The following ST6GALNAC3 variants were observed in gnomAD, a reference collection of about 807,000 sequenced individuals.
The protein encoded by ST6GALNAC3 is alpha-N-acetylgalactosaminide alpha-2,6-sialyltransferase 3.
In ST6GALNAC3, 25 loss-of-function variants were observed where a neutral mutation model predicts 32.7. The observed-to-expected ratio is 0.76, with a 90% confidence interval of 0.56 to 1.07. ST6GALNAC3 has a LOEUF of 1.07. Ranked by LOEUF, ST6GALNAC3 falls within the 50% of genes least tolerant of loss-of-function variation. The pLI, the probability that ST6GALNAC3 is intolerant of heterozygous loss-of-function variation, is 0.00. For missense variants in ST6GALNAC3, 355 were observed against 382.4 expected, an observed-to-expected ratio of 0.93 and a Z score of 0.60; for synonymous variants, 129 against 133.1, an observed-to-expected ratio of 0.97 and a Z score of 0.21.
intron 3 of ST6GALNAC3, among the ~76,000 whole-genome samples, chr1:76,535,597 A>T (rs774654797): frequency 6.6e-5 from 10 of 152,186 alleles, no homozygotes; most frequent in Non-Finnish European, 1.3e-4. Context: ...GACTATTTCT[A>T]CTATAGAGCA....
chr1:76,605,333 G>T (rs1647456354), intron 3 of ST6GALNAC3, among the ~76,000 whole-genome samples: 1 of 152,064 alleles, frequency 6.6e-6, no homozygotes, highest in African/African-American at 2.4e-5. Flanking sequence ...CTGAACTAGT[G>T]GTGAATTGAC....
intron 3 of ST6GALNAC3, among the ~76,000 whole-genome samples, chr1:76,528,122 A>G (rs773923991): frequency 2.0e-5 from 3 of 152,138 alleles, no homozygotes; most frequent in Non-Finnish European, 4.4e-5. Flanking sequence ...TAAGTTTATC[A>G]TTTTACAATA....
intron 1 of ST6GALNAC3, among the ~76,000 whole-genome samples, chr1:76,172,689 A>G (rs1010553938): frequency 6.6e-6 from 1 of 152,200 alleles, no homozygotes; most frequent in African/African-American, 2.4e-5. Flanking sequence ...CTTTACACCA[A>G]CAATAGGCAA....
chr1:76,494,740 T>C (rs1009060971), intron 3 of ST6GALNAC3, among the ~76,000 whole-genome samples: 1 of 89,552 alleles, frequency 1.1e-5, no homozygotes, highest in Non-Finnish European at 2.2e-5. Flanking sequence ...ATTTCATGTG[T>C]ATGCACACAC....
At chr1:76,282,106 A>G (rs1276438464) in intron 1 of ST6GALNAC3, among the ~76,000 whole-genome samples, 1 of 152,094 alleles carries the variant, frequency 6.6e-6, no homozygotes, top group Non-Finnish European at 1.5e-5. Flanking sequence ...AGGAGACAAG[A>G]ATTATATGTG....
At chr1:76,172,177 G>A (rs1256191666) in intron 1 of ST6GALNAC3, among the ~76,000 whole-genome samples, 1 of 152,056 alleles carries the variant, frequency 6.6e-6, no homozygotes, top group African/African-American at 2.4e-5. Flanking sequence ...TGCAAGGCTG[G>A]TTGAACATAC....
chr1:76,288,545 C>G (rs941205745), intron 1 of ST6GALNAC3, among the ~76,000 whole-genome samples: 2 of 152,106 alleles, frequency 1.3e-5, no homozygotes, highest in African/African-American at 4.8e-5. Context: ...TCAAGTCAAC[C>G]CTTACTGCAA....
At chr1:76,385,701 C>T (rs549251202) in intron 2 of ST6GALNAC3, among the ~76,000 whole-genome samples, 1 of 152,114 alleles carries the variant, frequency 6.6e-6, no homozygotes, top group African/African-American at 2.4e-5. Context: ...TACAAGCAAT[C>T]AGGAAGACGG....
chr1:76,449,529 C>T (rs990957096), intron 3 of ST6GALNAC3, among the ~76,000 whole-genome samples: 2 of 152,292 alleles, frequency 1.3e-5, no homozygotes, highest in South Asian at 4.1e-4. Context: ...TCCCTACCAG[C>T]AATGAATGAG....
intron 1 of ST6GALNAC3, among the ~76,000 whole-genome samples, chr1:76,216,935 A>G (rs955605105): frequency 6.6e-6 from 1 of 152,198 alleles, no homozygotes; most frequent in African/African-American, 2.4e-5. Context: ...AAATACTCAC[A>G]TCATCCCTTG....
At chr1:76,431,895 A>C (rs1159870376) in intron 3 of ST6GALNAC3, among the ~76,000 whole-genome samples, 1 of 152,128 alleles carries the variant, frequency 6.6e-6, no homozygotes, top group Non-Finnish European at 1.5e-5. Context: ...CATACATTCT[A>C]TGGGTTTATA....
chr1:76,400,963 G>T (rs1015731756), intron 2 of ST6GALNAC3, among the ~76,000 whole-genome samples: 19 of 151,090 alleles, frequency 1.3e-4, no homozygotes, highest in African/African-American at 4.4e-4. Context: ...CTCTCAAGTT[G>T]TATGCTATTT....
chr1:76,134,016 G>A (rs1473792903), intron 1 of ST6GALNAC3, among the ~76,000 whole-genome samples: 1 of 152,184 alleles, frequency 6.6e-6, no homozygotes, highest in African/African-American at 2.4e-5. Context: ...AGGAGCCATT[G>A]ACACATGTTT....
At chr1:76,275,806 C>G (rs1252353870) in intron 1 of ST6GALNAC3, among the ~76,000 whole-genome samples, 3 of 152,010 alleles carry the variant, frequency 2.0e-5, no homozygotes, top group Non-Finnish European at 4.4e-5. Context: ...CTTGTATTGT[C>G]TTGTATATAC....
Position 76,361,790 on chromosome 1 carries a change from C to A in ST6GALNAC3, c.213+47791C>A, listed in dbSNP as rs1335443607. On this transcript the variant is annotated intron_variant, in intron 2 of 4. Coordinates refer to ENST00000328299, the MANE Select transcript of ST6GALNAC3 (RefSeq NM_152996.4). The stretch of plus-strand genomic sequence containing the variant: ...GGTCAGGGGTTTGAGACCAGCCTGT[C>A]CAACTTGGTGAAATCCCATCTCTAC... Among the ~76,000 whole-genome samples the A allele has an allele frequency of 3.9e-5, 6 of 151,994 alleles. No individual in the cohort carries two copies. The East Asian group carries it at 1.2e-3, about 30-fold the overall frequency.
chr1:76,123,303 C>T (rs544150002), intron 1 of ST6GALNAC3, among the ~76,000 whole-genome samples: 3 of 148,366 alleles, frequency 2.0e-5, no homozygotes, highest in South Asian at 2.2e-4. Flanking sequence ...TGCTTGGACC[C>T]GGGAGGCAGA....
chr1:76,244,609 T>C (rs1657152977), intron 1 of ST6GALNAC3, among the ~76,000 whole-genome samples: 1 of 152,190 alleles, frequency 6.6e-6, no homozygotes, highest in Non-Finnish European at 1.5e-5. Flanking sequence ...TTTATTGAGA[T>C]ACGTTCCGTC....
chr1:76,564,171 T>C (rs1375592548), intron 3 of ST6GALNAC3, among the ~76,000 whole-genome samples: 1 of 152,178 alleles, frequency 6.6e-6, no homozygotes, highest in East Asian at 1.9e-4. Flanking sequence ...ACTGAGTACC[T>C]GAGATACAAC....
chr1:76,223,229 T>C (rs928746613), intron 1 of ST6GALNAC3, among the ~76,000 whole-genome samples: 3 of 152,190 alleles, frequency 2.0e-5, no homozygotes, highest in African/African-American at 4.8e-5. Flanking sequence ...AACAAGATCA[T>C]GTCCTTTGCA....
Sources: gnomAD v4.1 joint callset for allele counts (sites outside exome capture counted in the v4.1 genomes callset) on GRCh38, gnomAD v4.1.1 for gene constraint, MANE v1.5 for transcripts, NCBI Gene and HGNC (gene_info 2026-07-23, HGNC 2026-07-21) for gene names.